The following PTPRN2 variants were observed in gnomAD, a reference collection of about 807,000 sequenced individuals.
PTPRN2 encodes the protein protein tyrosine phosphatase receptor type N2.
PTPRN2 carries 74 observed loss-of-function variants against 118.8 expected under a neutral mutation model. The observed-to-expected ratio is 0.62, with a 90% CI of 0.52 to 0.76. The LOEUF (loss-of-function observed/expected upper bound fraction) is 0.76, where lower values mean the gene tolerates loss of function less well. PTPRN2 is among the 30% of genes least tolerant of loss of function. The pLI is 0.00. For synonymous variants in PTPRN2, 641 were observed against 608.0 expected (o/e 1.05, Z -0.80); for missense variants, 1,481 against 1,394.4 (o/e 1.06, Z -0.99).
At chr7:157,818,343 T>A (rs55967015) in intron 12 of PTPRN2, among the ~76,000 whole-genome samples, 1 of 151,822 alleles carries the variant, frequency 6.6e-6, no homozygotes, top group Admixed American at 6.6e-5. Context: ...AACAGATGGG[T>A]GGTTTTTTCT....
chr7:158,254,253 G>A (rs375175556), intron 3 of PTPRN2, among the ~76,000 whole-genome samples: 293 of 23,414 alleles, frequency 0.013, 8 homozygotes, highest in East Asian at 0.07. Flanking sequence ...ACTGGACAGC[G>A]GCACAGAGCC....
chr7:158,188,182 C>T (rs1285683761), intron 5 of PTPRN2, among the ~76,000 whole-genome samples: 1 of 121,182 alleles, frequency 8.3e-6, no homozygotes, highest in Non-Finnish European at 1.8e-5. Context: ...CCACGCTCGC[C>T]CCGCGATGGG....
At chr7:157,614,142 CAG>C (rs1563263747) in intron 15 of PTPRN2, 8 of 427,688 alleles carry the variant, frequency 1.9e-5, no homozygotes, top group Middle Eastern at 3.4e-4. Context: ...AGGGGGAAGA[CAG>C]GGGAGGAAGG....
intron 3 of PTPRN2, among the ~76,000 whole-genome samples, chr7:158,287,177 T>G (rs1799822563): frequency 6.6e-6 from 1 of 152,182 alleles, no homozygotes; most frequent in Middle Eastern, 3.2e-3. Flanking sequence ...GTGGTATTTG[T>G]TGTAATGTTT....
At chr7:158,275,461 T>C (rs1432964432) in intron 3 of PTPRN2, among the ~76,000 whole-genome samples, 17 of 152,182 alleles carry the variant, frequency 1.1e-4, no homozygotes, top group Admixed American at 1.1e-3. Flanking sequence ...ACAAAGTGCC[T>C]GGAACAAAGC....
chr7:158,533,035 C>T (rs1825370219), intron 1 of PTPRN2, among the ~76,000 whole-genome samples: 1 of 152,180 alleles, frequency 6.6e-6, no homozygotes, highest in Non-Finnish European at 1.5e-5. Context: ...GACTTGGGTT[C>T]CTGTCACTTT....
chr7:158,101,920 G>A (rs965353299), intron 10 of PTPRN2, among the ~76,000 whole-genome samples: 5 of 152,122 alleles, frequency 3.3e-5, no homozygotes, highest in Non-Finnish European at 7.4e-5. Context: ...AGTGAGCAGC[G>A]GCAGGCCCAT....
chr7:158,391,957 CGA>C (rs1563235424), intron 2 of PTPRN2, among the ~76,000 whole-genome samples: 1 of 152,182 alleles, frequency 6.6e-6, no homozygotes, highest in East Asian at 1.9e-4. Flanking sequence ...GCCTGTGAGT[CGA>C]GAGTCCTCCA....
At chr7:157,799,739 G>A (rs1489578163) in intron 12 of PTPRN2, among the ~76,000 whole-genome samples, 1 of 150,404 alleles carries the variant, frequency 6.6e-6, no homozygotes, top group Non-Finnish European at 1.5e-5. Context: ...TCAACACACG[G>A]CATCACGAAC....
At chr7:157,844,436 G>A (rs550392455) in intron 12 of PTPRN2, among the ~76,000 whole-genome samples, 1 of 152,300 alleles carries the variant, frequency 6.6e-6, no homozygotes, top group Non-Finnish European at 1.5e-5. Flanking sequence ...AAGAACACTA[G>A]AGCTGAAATT....
chr7:158,149,396 C>T (rs970524236), intron 6 of PTPRN2, among the ~76,000 whole-genome samples: 1 of 151,430 alleles, frequency 6.6e-6, no homozygotes, highest in African/African-American at 2.4e-5. Context: ...TCAGTATAAA[C>T]TCTTAAAACA....
At chr7:158,096,884 G>C (rs759278512) in intron 10 of PTPRN2, among the ~76,000 whole-genome samples, 2 of 152,232 alleles carry the variant, frequency 1.3e-5, no homozygotes, top group African/African-American at 2.4e-5. Flanking sequence ...GGGCTCCTGG[G>C]AGTTTCTCAC....
intron 14 of PTPRN2, among the ~76,000 whole-genome samples, chr7:157,636,350 C>A (rs754513048): frequency 6.6e-6 from 1 of 152,146 alleles, no homozygotes; most frequent in Non-Finnish European, 1.5e-5. Context: ...AGACCACCTG[C>A]CTTTACCAAA....
At chr7:158,087,961 C>A (rs1261454734) in intron 10 of PTPRN2, among the ~76,000 whole-genome samples, 1 of 111,436 alleles carries the variant, frequency 9.0e-6, no homozygotes, top group Non-Finnish European at 2.0e-5. Flanking sequence ...CACAAACCTT[C>A]TTCCCCTGAT....
chr7:158,089,999 C>G (rs375189203), intron 10 of PTPRN2, among the ~76,000 whole-genome samples: 3 of 29,194 alleles, frequency 1.0e-4, no homozygotes, highest in African/African-American at 2.2e-4. Context: ...CCTCCCCTGA[C>G]GAAAGAGGGA....
intron 12 of PTPRN2, among the ~76,000 whole-genome samples, chr7:157,849,133 C>T (rs1011403709): frequency 4.6e-5 from 7 of 152,220 alleles, no homozygotes; most frequent in African/African-American, 7.2e-5. Context: ...GCCGGGCTGA[C>T]GCTGGTCTCC....
chr7:157,690,904 CGGGCGGGCTCA>C lies in PTPRN2; in HGVS notation c.1789-7978_1789-7968del, dbSNP rs1262289213. On this transcript the variant is annotated intron_variant, in intron 12 of 22. Coordinates refer to ENST00000389418, the MANE Select transcript of PTPRN2 (RefSeq NM_002847.5). This position sits in a 1 kb window ranked among gnomAD's most constrained non-coding sequence, Gnocchi z 7.1. ...AGGCACGCTGGGCCGGGGCGCGGCG[CGGGCGGGCTCA>C]GGGCGGGCTCCGGACGGTCCCGGTA... Among the ~76,000 whole-genome samples the C allele has an allele frequency of 1.4e-5, 2 of 145,934 alleles. No individual in the cohort carries two copies. The highest frequency in any genetic ancestry group is 2.1e-4 in the South Asian group (1 of 4,796).
intron 12 of PTPRN2, among the ~76,000 whole-genome samples, chr7:157,882,367 C>T (rs1284631326): frequency 1.3e-5 from 2 of 151,644 alleles, no homozygotes; most frequent in Admixed American, 1.3e-4. Context: ...AACATGCCAT[C>T]CCAAACTTGA....
chr7:158,286,633 C>T (rs1799789889), intron 3 of PTPRN2, among the ~76,000 whole-genome samples: 1 of 152,066 alleles, frequency 6.6e-6, no homozygotes, highest in Non-Finnish European at 1.5e-5. Context: ...TTATCCTTCC[C>T]TCAATGTGGC....
Sources: allele counts gnomAD v4.1 joint callset (sites outside exome capture counted in the v4.1 genomes callset), GRCh38; gene constraint gnomAD v4.1.1; non-coding constraint Gnocchi (gnomAD v3.1); transcripts MANE v1.5; gene names NCBI Gene and HGNC (gene_info 2026-07-23, HGNC 2026-07-21).